The following ZNF492 variants were observed in gnomAD, a reference collection of about 807,000 sequenced individuals.
ZNF492 encodes zinc finger protein 115 (Y20).
Under a neutral mutation model 6.4 loss-of-function variants are expected in ZNF492, and 3 were observed. The ratio of observed to expected loss-of-function variants is 0.47; its 90% CI spans 0.21 to 1.22. The LOEUF (loss-of-function observed/expected upper bound fraction) is 1.22. ZNF492 is among the 50% of genes most tolerant of loss of function. The pLI, the probability that ZNF492 is intolerant of heterozygous loss-of-function variation, is 0.22. For missense variants in ZNF492, 356 were observed against 612.5 expected (o/e 0.58, Z 4.42); for synonymous variants, 112 against 205.3 (o/e 0.55, Z 3.89).
chr19:22,655,873 G>A (rs1424891215), intron 3 of ZNF492, among the ~76,000 whole-genome samples: 1 of 131,658 alleles, frequency 7.6e-6, no homozygotes, highest in East Asian at 2.2e-4. Context: ...CGCTGAGACT[G>A]GAGTGCAGTG....
chr19:22,635,248 T>G (rs1010473164), intron 1 of ZNF492, among the ~76,000 whole-genome samples: 8 of 152,168 alleles, frequency 5.3e-5, no homozygotes, highest in Non-Finnish European at 1.0e-4. Flanking sequence ...TGCCGCCACA[T>G]GGGGCTGATT....
rs1391724331 is a variant in ZNF492, at chr19:22,653,438, G to C, written c.34+5G>C. On this transcript the variant is annotated splice_donor_5th_base_variant and intron_variant, in intron 2 of 3. Coordinates refer to ENST00000456783, the MANE Select transcript of ZNF492 (RefSeq NM_020855.3). ...ACAGAAACCTGGTCTTCGTGGGTGA[G>C]GATAACTTCAATATACAATTCCCTA... The C allele has an allele frequency of 1.2e-6, 2 of 1,612,958 alleles. No individual in the cohort carries two copies. The highest frequency in any genetic ancestry group is 1.7e-5 in the Admixed American group (1 of 59,748).
chr19:22,665,311 A>T lies in ZNF492; in HGVS notation c.*46A>T, dbSNP rs1488527574. ...AGCCTTTAAATGGTTATCACACTGGATTGTAGGTAAGGTAATTCATTCTGG... is the reference window on the plus strand; with the variant it reads ...AGCCTTTAAATGGTTATCACACTGGTTTGTAGGTAAGGTAATTCATTCTGG... On this transcript the variant is annotated 3_prime_UTR_variant, in exon 4 of 4. Transcript: ENST00000456783. 6.7e-7 allele frequency: 1 copy of T among 1,500,040 alleles called. No individual in the cohort carries two copies. Among genetic ancestry groups the T allele is most frequent in the African/African-American group, 1.4e-5 (1 of 70,948 alleles). The allele number at this position is 1,500,040 out of a possible 1,614,324, so 92.9% of individuals were successfully genotyped here.
At chr19:22,656,970 C>T (rs1972002757) in intron 3 of ZNF492, among the ~76,000 whole-genome samples, 1 of 152,108 alleles carries the variant, frequency 6.6e-6, no homozygotes, top group African/African-American at 2.4e-5. Flanking sequence ...CTCATAAAGG[C>T]ATTTTTGTCA....
chr19:22,636,511 CTTCTG>C (rs1971764917), intron 1 of ZNF492, among the ~76,000 whole-genome samples: 1 of 99,918 alleles, frequency 1.0e-5, no homozygotes, highest in African/African-American at 4.9e-5. Context: ...AGGACATGAT[CTTCTG>C]TGTGTGTGTG....
At chr19:22,642,964 T>C (rs1599395405) in intron 1 of ZNF492, among the ~76,000 whole-genome samples, 1 of 152,256 alleles carries the variant, frequency 6.6e-6, no homozygotes, top group East Asian at 1.9e-4. Flanking sequence ...GCTGAAGTAC[T>C]TACAATGCAA....
At chr19:22,648,544 G>A (rs144930341) in intron 1 of ZNF492, among the ~76,000 whole-genome samples, 30 of 152,294 alleles carry the variant, frequency 2.0e-4, no homozygotes, top group African/African-American at 7.0e-4. Context: ...TTGACAGTGA[G>A]GTGTTAAAGT....
chr19:22,659,561 T>TACAC (rs569041771), intron 3 of ZNF492, among the ~76,000 whole-genome samples: 1,870 of 138,696 alleles, frequency 0.013, 11 homozygotes, highest in East Asian at 0.029. Context: ...TAATGTGAGA[T>TACAC]ACACACACAC....
intron 1 of ZNF492, among the ~76,000 whole-genome samples, chr19:22,652,020 A>G (rs1599398802): frequency 6.6e-6 from 1 of 152,156 alleles, no homozygotes; most frequent in African/African-American, 2.4e-5. Flanking sequence ...GGGCAATATC[A>G]TAGCAGTGAT....
chr19:22,657,320 A>G (rs1438969024), intron 3 of ZNF492, among the ~76,000 whole-genome samples: 1 of 152,230 alleles, frequency 6.6e-6, no homozygotes, highest in East Asian at 1.9e-4. Context: ...ATTCTGCAAA[A>G]TAGATATATT....
chr19:22,650,950 G>A (rs1971933696), intron 1 of ZNF492, among the ~76,000 whole-genome samples: 1 of 152,136 alleles, frequency 6.6e-6, no homozygotes, highest in South Asian at 2.1e-4. Context: ...CCCCTCCCCT[G>A]GGAACTCAGC....
chr19:22,642,094 C>A (rs1353949356), intron 1 of ZNF492, among the ~76,000 whole-genome samples: 1 of 151,986 alleles, frequency 6.6e-6, no homozygotes, highest in South Asian at 2.1e-4. Context: ...CGCCCGGCCA[C>A]GCCCCCATCA....
chr19:22,643,527 G>C (rs1161401455), intron 1 of ZNF492, among the ~76,000 whole-genome samples: 1 of 152,042 alleles, frequency 6.6e-6, no homozygotes, highest in East Asian at 1.9e-4. Flanking sequence ...CATTGACAGG[G>C]GACTTATTTA....
At position 22,665,117 on chromosome 19, in the gene ZNF492, G is replaced by T. The variant is rs774075313; in HGVS notation, c.1448G>T (p.Gly483Val). The change falls in exon 4 of 4, where the codon GGC (glycine) becomes GTC (valine). Residue 483 changes from glycine (G) to valine (V), a missense_variant. Coordinates refer to ENST00000456783, the MANE Select transcript of ZNF492 (RefSeq NM_020855.3). ...GEKPYKCEEC[G>V]KAFNNSSILN... The stretch of plus-strand genomic sequence containing the variant: ...AAACCCTACAAGTGTGAAGAATGTG[G>T]CAAAGCCTTTAACAACTCCTCTATT... 1.9e-5 allele frequency: 31 copies of T among 1,609,942 alleles called. No individual in the cohort carries two copies. The highest frequency in any genetic ancestry group is 2.2e-5 in the South Asian group (2 of 90,186).
intron 1 of ZNF492, among the ~76,000 whole-genome samples, chr19:22,634,985 G>T (rs971960191): frequency 1.3e-5 from 2 of 152,146 alleles, no homozygotes; most frequent in African/African-American, 2.4e-5. Flanking sequence ...TCCATGGGAG[G>T]ATCTTGAAGG....
At chr19:22,655,757 C>G (rs1487493569) in intron 3 of ZNF492, among the ~76,000 whole-genome samples, 2 of 132,282 alleles carry the variant, frequency 1.5e-5, no homozygotes, top group African/African-American at 5.8e-5. Flanking sequence ...GCATAATAAA[C>G]TTTTGCATTG....
intron 1 of ZNF492, among the ~76,000 whole-genome samples, chr19:22,642,323 AT>A (rs1971835516): frequency 6.9e-6 from 1 of 145,632 alleles, no homozygotes; most frequent in Non-Finnish European, 1.5e-5. Flanking sequence ...ATATGTAGGT[AT>A]TTTTCTCTGC....
chr19:22,651,978 G>T (rs1971943900), intron 1 of ZNF492, among the ~76,000 whole-genome samples: 2 of 152,060 alleles, frequency 1.3e-5, no homozygotes, highest in Non-Finnish European at 2.9e-5. Flanking sequence ...GTTTCTTTAT[G>T]ATTAAATTCA....
At chr19:22,642,674 C>T (rs1285022709) in intron 1 of ZNF492, among the ~76,000 whole-genome samples, 3 of 152,034 alleles carry the variant, frequency 2.0e-5, no homozygotes, top group South Asian at 4.1e-4. Context: ...CAGGCGTAAG[C>T]GACCGCGCAC....
Sources: gnomAD v4.1 joint callset for allele counts (sites outside exome capture counted in the v4.1 genomes callset) on GRCh38, gnomAD v4.1.1 for gene constraint, MANE v1.5 for transcripts, NCBI Gene and HGNC (gene_info 2026-07-23, HGNC 2026-07-21) for gene names.